DDX21: variants seen among roughly 807,000 people sequenced by gnomAD.
DDX21 encodes DExD-box helicase 21, also known as nucleolar RNA helicase 2.
Under a neutral mutation model 90.0 loss-of-function variants are expected in DDX21, and 18 were observed. The ratio of observed to expected loss-of-function variants is 0.20; its 90% CI spans 0.14 to 0.30. The LOEUF is 0.30. DDX21 is among the 10% of genes least tolerant of loss of function. The pLI, the probability that DDX21 is intolerant of heterozygous loss-of-function variation, is 1.00. For synonymous variants in DDX21, 294 were observed against 318.0 expected (o/e 0.92, Z 0.80); for missense variants, 673 against 944.5 (o/e 0.71, Z 3.77).
chr10:68,957,036 C>T (rs924339704), intron 1 of DDX21, among the ~76,000 whole-genome samples: 2 of 137,522 alleles, frequency 1.5e-5, no homozygotes, highest in African/African-American at 5.5e-5. Context: ...AGCGAAACTC[C>T]ATCTCAAAAA....
At position 68,982,719 on chromosome 10, in the gene DDX21, C is replaced by T; in HGVS notation, c.2259C>T (p.Gly753=). ...GAGGACAGCGGGAAGGCAGTAGAGG[C>T]CCGAGAGGACAGCGATCAGGAGGTG... ...RFRGQREGSR[G]PRGQRSGGGN... Residue 753 remains glycine (G), a synonymous_variant, in exon 15 of 15, where the codon GGC becomes GGT. Transcript: ENST00000354185. 6.2e-7 allele frequency: 1 copy of T among 1,613,942 alleles called. No individual in the cohort carries two copies. Among genetic ancestry groups the T allele is most frequent in the South Asian group, 1.1e-5 (1 of 91,056 alleles).
intron 12 of DDX21, 129 bp from the exon 13 acceptor site, chr10:68,978,713 T>G: frequency 8.2e-7 from 1 of 1,221,676 alleles, no homozygotes; most frequent in South Asian, 1.6e-5. Context: ...TTCGTACTAA[T>G]TGTTTGTGTG....
In DDX21 at chr10:68,984,160, T is replaced by G. The variant is rs1467111444; in HGVS notation, c.*1348T>G. 6.6e-6 allele frequency: 1 copy of G among 152,244 alleles called. No homozygotes were observed. The highest frequency in any genetic ancestry group is 1.5e-5 in the Non-Finnish European group (1 of 68,048). 9.4% of individuals were successfully genotyped at this position (152,244 alleles called of 1,614,324 possible). Reference sequence around the variant, plus strand: ...CGCCTTAATTTCCAGAGATTATTTCTGTACTGAGAATCCTGGAACTACTAT... The same window carrying G: ...CGCCTTAATTTCCAGAGATTATTTCGGTACTGAGAATCCTGGAACTACTAT... On this transcript the variant is annotated 3_prime_UTR_variant, in exon 15 of 15. Transcript: ENST00000354185.
At chr10:68,973,081 G>C (rs1843049274) in intron 9 of DDX21, among the ~76,000 whole-genome samples, 1 of 152,082 alleles carries the variant, frequency 6.6e-6, no homozygotes, top group African/African-American at 2.4e-5. Context: ...TGTTGTCCCA[G>C]CTACTTGGGA....
intron 1 of DDX21, chr10:68,956,838 C>T: frequency 1.2e-6 from 1 of 808,488 alleles, no homozygotes; most frequent in Non-Finnish European, 1.5e-6. Context: ...GTCAGGAGTT[C>T]GAGACCAGCC....
At chr10:68,966,596 C>G (rs1416669691) in intron 5 of DDX21, among the ~76,000 whole-genome samples, 4 of 152,170 alleles carry the variant, frequency 2.6e-5, no homozygotes, top group Middle Eastern at 3.4e-3. Flanking sequence ...GCGCCCACCA[C>G]TGCGCCTGGT....
rs367890818 is a variant in DDX21, at chr10:68,958,584, G to A, written c.88-1222G>A. 7.9e-5 allele frequency among the ~76,000 whole-genome samples: 12 copies of A among 152,116 alleles called. No homozygotes were observed. The East Asian group carries it at 1.4e-3, about 17-fold the overall frequency. ...CCCGAGTAGCTGGGACTACAGGTGC[G>A]TGCCACCATGCCTGGCTAATTTTTT... is the stretch of plus-strand genomic sequence containing the variant. On this transcript the variant is annotated intron_variant, in intron 1 of 14. Coordinates refer to ENST00000354185, the MANE Select transcript of DDX21 (RefSeq NM_004728.4).
At chr10:68,964,101 G>GGA (rs758111006) in intron 4 of DDX21, 2 of 207,588 alleles carry the variant, frequency 9.6e-6, no homozygotes, top group African/African-American at 1.0e-4. Context: ...TCCGTCTCAA[G>GGA]AAAAAAAAAA....
intron 11 of DDX21, 99 bp downstream of exon 11, chr10:68,974,842 T>TA: frequency 1.1e-6 from 1 of 921,494 alleles, no homozygotes; most frequent in Non-Finnish European, 1.6e-6. Flanking sequence ...ATTTTTTTTT[T>TA]AAAATTTTTG....
At chr10:68,981,794 T>C (rs2429025) in intron 14 of DDX21, among the ~76,000 whole-genome samples, 88,130 of 151,952 alleles carry the variant, frequency 0.58, 26,668 homozygotes, top group East Asian at 0.9. Flanking sequence ...TTATACAAAG[T>C]TGTGAACGAT....
chr10:68,981,438 GTT>G (rs1253379173), intron 13 of DDX21, 97 bp from the exon 14 acceptor site: 6 of 1,153,044 alleles, frequency 5.2e-6, no homozygotes, highest in Non-Finnish European at 7.6e-6. Context: ...TTTGCTTTAT[GTT>G]TTTTGTTTTC....
intron 1 of DDX21, among the ~76,000 whole-genome samples, chr10:68,958,591 CATGCCTGGCTA>C (rs1842831847): frequency 6.6e-6 from 1 of 152,116 alleles, no homozygotes; most frequent in African/African-American, 2.4e-5. Flanking sequence ...TGCGTGCCAC[CATGCCTGGCTA>C]ATTTTTTTGT....
At chr10:68,978,594 C>T (rs1438826850) in intron 12 of DDX21, among the ~76,000 whole-genome samples, 1 of 152,154 alleles carries the variant, frequency 6.6e-6, no homozygotes, top group African/African-American at 2.4e-5. Flanking sequence ...CTCTGCTCAG[C>T]TTCCCTAAAT....
At chr10:68,977,820 A>G in intron 12 of DDX21, 132 bp downstream of exon 12, 1 of 1,017,818 alleles carries the variant, frequency 9.8e-7, no homozygotes, top group Non-Finnish European at 1.3e-6. Context: ...GTATTTTACA[A>G]TTTCTGGCCA....
chr10:68,956,698 A>G (rs1842801211), intron 1 of DDX21: 1 of 1,049,020 alleles, frequency 9.5e-7, no homozygotes, highest in Non-Finnish European at 1.2e-6. Flanking sequence ...GTTGGCTAAG[A>G]CAGAACTCCC....
intron 1 of DDX21, 50 bp from the exon 2 acceptor site, chr10:68,959,756 G>A: frequency 7.7e-7 from 1 of 1,300,054 alleles, no homozygotes; most frequent in Non-Finnish European, 1.0e-6. Context: ...TGTTGCAAAT[G>A]TATAAATGCC....
At chr10:68,975,632 A>T (rs1843087316) in intron 11 of DDX21, among the ~76,000 whole-genome samples, 1 of 152,178 alleles carries the variant, frequency 6.6e-6, no homozygotes, top group Non-Finnish European at 1.5e-5. Context: ...AGTTCAGGAA[A>T]GTTTTGTTAA....
chr10:68,969,193 G>A (rs985202489), intron 7 of DDX21, 72 bp downstream of exon 7: 1 of 1,388,116 alleles, frequency 7.2e-7, no homozygotes, highest in Non-Finnish European at 9.8e-7. Context: ...TATTAAGACT[G>A]GCAAATGCTC....
Position 68,972,007 on chromosome 10 carries a change from A to G in DDX21, c.1503A>G (p.Leu501=), listed in dbSNP as rs755006204. The G allele has an allele frequency of 6.2e-7, 1 of 1,614,210 alleles. No individual in the cohort carries two copies. Among genetic ancestry groups the G allele is most frequent in the Non-Finnish European group, 8.5e-7 (1 of 1,180,026 alleles). The change falls in exon 9 of 15, where the codon TTA becomes TTG. Residue 501 remains leucine (L), a synonymous_variant. Transcript: ENST00000354185. The part of the protein sequence containing the change: ...LVATNVAARG[L]DIPEVDLVIQ... ...CAACCAATGTTGCTGCACGTGGGTTAGACATCCCTGAGGTTGATTTGGTTA... is the reference window on the plus strand; with the variant it reads ...CAACCAATGTTGCTGCACGTGGGTTGGACATCCCTGAGGTTGATTTGGTTA...
Sources: allele counts gnomAD v4.1 joint callset (sites outside exome capture counted in the v4.1 genomes callset), GRCh38; gene constraint gnomAD v4.1.1; transcripts MANE v1.5; gene names NCBI Gene and HGNC (gene_info 2026-07-23, HGNC 2026-07-21).